Variants in NAALADL2 observed in about 807,000 individuals in gnomAD.
The protein encoded by NAALADL2 is N-acetylated alpha-linked acidic dipeptidase like 2, also known as inactive N-acetylated-alpha-linked acidic dipeptidase-like protein 2.
In NAALADL2, 76 loss-of-function variants were observed where a neutral mutation model predicts 87.2. That is an observed-to-expected ratio of 0.87 (90% CI 0.72 to 1.05). NAALADL2 has a LOEUF of 1.05. Ranked by LOEUF, NAALADL2 falls within the 50% of genes least tolerant of loss-of-function variation. The probability of loss-of-function intolerance (pLI) is 0.00; values close to 1 mark genes in which losing one functional copy is unlikely to be tolerated. For missense variants in NAALADL2, 1,089 were observed against 945.8 expected (o/e 1.15, Z -1.99); for synonymous variants, 354 against 331.0 (o/e 1.07, Z -0.75).
At chr3:175,628,577 A>G (rs1475502453) in intron 11 of NAALADL2, among the ~76,000 whole-genome samples, 1 of 147,764 alleles carries the variant, frequency 6.8e-6, no homozygotes, top group Non-Finnish European at 1.5e-5. Context: ...TATAGAGAAT[A>G]TTGACATTTT....
intron 13 of NAALADL2, among the ~76,000 whole-genome samples, chr3:175,786,727 G>T (rs566989690): frequency 7.0e-4 from 107 of 152,312 alleles, no homozygotes; most frequent in South Asian, 1.9e-3. Context: ...ATCCAGCTTT[G>T]TTCCGTTGCT....
chr3:175,414,561 C>T (rs1487034993), intron 5 of NAALADL2, among the ~76,000 whole-genome samples: 4 of 152,138 alleles, frequency 2.6e-5, no homozygotes, highest in Middle Eastern at 3.4e-3. Flanking sequence ...TTTTCGAAAA[C>T]GTAAAGTCAA....
chr3:174,784,932 G>C (rs1482496530), intron 3 of NAALADL2, among the ~76,000 whole-genome samples: 1 of 152,188 alleles, frequency 6.6e-6, no homozygotes, highest in Non-Finnish European at 1.5e-5. Flanking sequence ...CTGTAGTAAA[G>C]AGCAGGTAAC....
At chr3:175,617,396 G>A (rs1477606271) in intron 10 of NAALADL2, among the ~76,000 whole-genome samples, 3 of 152,156 alleles carry the variant, frequency 2.0e-5, no homozygotes, top group African/African-American at 7.2e-5. Flanking sequence ...CCTGTGACTT[G>A]TATCTCGGGA....
At chr3:175,027,840 C>A (rs990591832) in intron 1 of NAALADL2, among the ~76,000 whole-genome samples, 1 of 151,810 alleles carries the variant, frequency 6.6e-6, no homozygotes, top group South Asian at 2.1e-4. Context: ...GCTTTTTAAG[C>A]TTTCAGGTCT....
At chr3:175,078,763 T>G (rs897579560) in intron 1 of NAALADL2, among the ~76,000 whole-genome samples, 3 of 152,240 alleles carry the variant, frequency 2.0e-5, no homozygotes, top group African/African-American at 4.8e-5. Context: ...TATGTATCAG[T>G]ACTTAATTCA....
intron 2 of NAALADL2, among the ~76,000 whole-genome samples, chr3:174,621,558 C>T (rs1286119707): frequency 1.3e-5 from 2 of 151,980 alleles, no homozygotes; most frequent in Non-Finnish European, 2.9e-5. Context: ...ATATAGACCT[C>T]ATGTAATGAG....
chr3:174,451,894 G>A (rs1356057262), intron 1 of NAALADL2, among the ~76,000 whole-genome samples: 3 of 128,554 alleles, frequency 2.3e-5, no homozygotes, highest in African/African-American at 6.2e-5. Flanking sequence ...CCAAGTTGGA[G>A]TGCAGTGGCA....
intron 1 of NAALADL2, among the ~76,000 whole-genome samples, chr3:174,884,640 T>G (rs1366809666): frequency 6.6e-6 from 1 of 152,136 alleles, no homozygotes; most frequent in East Asian, 1.9e-4. Context: ...AGCTGCAACG[T>G]TAAATGCAGA....
At chr3:174,457,244 C>G (rs1715900739) in intron 1 of NAALADL2, among the ~76,000 whole-genome samples, 2 of 152,240 alleles carry the variant, frequency 1.3e-5, no homozygotes, top group Admixed American at 1.3e-4. Context: ...AACACTTAGA[C>G]ACTGTTGTTG....
intron 2 of NAALADL2, among the ~76,000 whole-genome samples, chr3:174,606,360 T>G (rs1719062115): frequency 6.6e-6 from 1 of 151,944 alleles, no homozygotes; most frequent in Non-Finnish European, 1.5e-5. Context: ...CTTCAGACGA[T>G]CAAACTACTC....
intron 1 of NAALADL2, among the ~76,000 whole-genome samples, chr3:174,535,447 A>G (rs2108451047): frequency 6.6e-6 from 1 of 152,198 alleles, no homozygotes; most frequent in Non-Finnish European, 1.5e-5. Context: ...CCCTCATTCT[A>G]CTGTTGTTAG....
chr3:175,003,154 T>C (rs1425918605), intron 1 of NAALADL2, among the ~76,000 whole-genome samples: 1 of 152,218 alleles, frequency 6.6e-6, no homozygotes, highest in African/African-American at 2.4e-5. Context: ...AAAATGTTTA[T>C]GCCATGTACT....
intron 8 of NAALADL2, among the ~76,000 whole-genome samples, chr3:175,468,162 A>C (rs1008182632): frequency 6.6e-6 from 1 of 152,160 alleles, no homozygotes; most frequent in Non-Finnish European, 1.5e-5. Flanking sequence ...AGAAGATAGC[A>C]AGTATCTTTT....
At chr3:175,785,102 C>T in intron 13 of NAALADL2, among the ~76,000 whole-genome samples, 1 of 150,818 alleles carries the variant, frequency 6.6e-6, no homozygotes, top group Non-Finnish European at 1.5e-5. Context: ...TTTACATTTG[C>T]TGAGGAGAGC....
chr3:175,507,011 T>C (rs1236395298), intron 9 of NAALADL2, among the ~76,000 whole-genome samples: 1 of 152,110 alleles, frequency 6.6e-6, no homozygotes, highest in Non-Finnish European at 1.5e-5. Context: ...TCAGCCCCTC[T>C]GCACATCCTC....
At chr3:175,213,494 A>C (rs531392935) in intron 2 of NAALADL2, among the ~76,000 whole-genome samples, 4 of 152,222 alleles carry the variant, frequency 2.6e-5, no homozygotes, top group African/African-American at 9.6e-5. Context: ...TGATATATCA[A>C]AATCAAATGA....
chr3:175,685,756 A>C (rs558296337), intron 11 of NAALADL2, among the ~76,000 whole-genome samples: 1 of 152,264 alleles, frequency 6.6e-6, no homozygotes, highest in Admixed American at 6.5e-5. Flanking sequence ...AGGCAGGAAA[A>C]AAGTCACTGT....
chr3:174,847,366 T>C (rs1724744236), intron 3 of NAALADL2, among the ~76,000 whole-genome samples: 1 of 152,214 alleles, frequency 6.6e-6, no homozygotes, highest in Admixed American at 6.5e-5. Context: ...TAAAATGATA[T>C]TATAAAATGC....
Sources: gnomAD v4.1 joint callset for allele counts (sites outside exome capture counted in the v4.1 genomes callset) on GRCh38, gnomAD v4.1.1 for gene constraint, MANE v1.5 for transcripts, NCBI Gene and HGNC (gene_info 2026-07-23, HGNC 2026-07-21) for gene names.